The following GNAT3 variants were observed in gnomAD, a reference collection of about 807,000 sequenced individuals.
The protein encoded by GNAT3 is guanine nucleotide-binding protein G(t) subunit alpha-3.
A neutral mutation model predicts 37.7 loss-of-function variants in GNAT3; 31 were observed. The observed-to-expected ratio is 0.82, with a 90% CI of 0.62 to 1.11. The LOEUF is 1.11. GNAT3 is among the 50% of genes most tolerant of loss of function. The pLI is 0.00. For missense variants in GNAT3, 437 were observed against 412.5 expected, an observed-to-expected ratio of 1.06 and a Z score of -0.51; for synonymous variants, 138 against 139.8, an observed-to-expected ratio of 0.99 and a Z score of 0.09.
intron 2 of GNAT3, 121 bp from the exon 3 acceptor site, chr7:80,488,797 A>G: frequency 1.6e-6 from 1 of 624,616 alleles, no homozygotes; most frequent in Non-Finnish European, 2.7e-6. Context: ...AATTTTGACC[A>G]TACATATATG....
intron 2 of GNAT3, among the ~76,000 whole-genome samples, chr7:80,494,344 T>C (rs563299714): frequency 1.3e-5 from 2 of 152,300 alleles, no homozygotes; most frequent in African/African-American, 4.8e-5. Context: ...TATCCCCAGA[T>C]TAATATGACT....
At chr7:80,463,057 TCAAA>T (rs1004176838) in intron 5 of GNAT3, among the ~76,000 whole-genome samples, 1 of 152,182 alleles carries the variant, frequency 6.6e-6, no homozygotes. Flanking sequence ...ATTCATTTAC[TCAAA>T]CAATTATTGT....
At chr7:80,460,924 A>C (rs942769931) in intron 7 of GNAT3, among the ~76,000 whole-genome samples, 2 of 152,024 alleles carry the variant, frequency 1.3e-5, no homozygotes, top group African/African-American at 4.8e-5. Flanking sequence ...CTTTCTGTTG[A>C]AACATTTCAT....
intron 5 of GNAT3, among the ~76,000 whole-genome samples, chr7:80,472,386 G>A (rs1163544514): frequency 6.6e-6 from 1 of 152,130 alleles, no homozygotes; most frequent in African/African-American, 2.4e-5. Flanking sequence ...GCTGCAGGGT[G>A]TATAGTGACA....
chr7:80,496,858 T>C (rs1417584958), intron 1 of GNAT3, among the ~76,000 whole-genome samples: 1 of 152,202 alleles, frequency 6.6e-6, no homozygotes, highest in Non-Finnish European at 1.5e-5. Flanking sequence ...CTTTTCTTTT[T>C]TTTTTTTTGG....
rs2116191609 is a variant in GNAT3, at chr7:80,488,521, A to G, written c.303+14T>C. On this transcript the variant is annotated intron_variant, in intron 3 of 7. Coordinates refer to ENST00000398291, the MANE Select transcript of GNAT3 (RefSeq NM_001102386.3). ...TATTGCAGGACATACAGCTGTCATTATTTGCATACTTACTGCACTTCTGGG... is the reference window on the plus strand; with the variant it reads ...TATTGCAGGACATACAGCTGTCATTGTTTGCATACTTACTGCACTTCTGGG... The G allele has an allele frequency of 8.8e-6, 14 of 1,594,754 alleles. No individual in the cohort carries two copies. The highest frequency in any genetic ancestry group is 1.2e-5 in the Non-Finnish European group (14 of 1,168,402).
chr7:80,463,517 A>G (rs1352090539), intron 5 of GNAT3, among the ~76,000 whole-genome samples: 1 of 151,954 alleles, frequency 6.6e-6, no homozygotes, highest in South Asian at 2.1e-4. Flanking sequence ...AAGTCTTAGC[A>G]TCAATATCTC....
In GNAT3 at chr7:80,481,278, C is replaced by T. The variant is rs891176292; in HGVS notation, c.304-2280G>A. ...AAAACAAAATTCTAAGTCCCCCAAG[C>T]AACAGAATTCTAAGCCCCGCAACCA... On this transcript the variant is annotated intron_variant, in intron 3 of 7. Transcript: ENST00000398291. 4.6e-5 allele frequency among the ~76,000 whole-genome samples: 7 copies of T among 152,236 alleles called. No individual in the cohort carries two copies. In the South Asian group the frequency reaches 1.5e-3, roughly 32 times the overall value.
rs983253023 is a variant in GNAT3, at chr7:80,462,549, C to G, written c.673G>C (p.Ala225Pro). The change falls in exon 6 of 8, where the codon GCT becomes CCT. Residue 225 changes from alanine (A) to proline (P), a missense_variant. By Grantham distance (27) the Ala-to-Pro change is conservative (BLOSUM62 -1). Transcript: ENST00000398291. ...FEGVTCIIFCAALSAYDMVLV... is the reference protein window; with the variant it reads ...FEGVTCIIFCPALSAYDMVLV... ...ACCATGTCATAGGCACTAAGTGCAG[C>G]ACAAAATATAATGCATGTAACTCCT... is the stretch of plus-strand genomic sequence containing the variant. 5.6e-6 allele frequency: 9 copies of G among 1,613,536 alleles called. No homozygotes were observed. The highest frequency in any genetic ancestry group is 6.8e-6 in the Non-Finnish European group (8 of 1,179,654).
At chr7:80,480,542 A>T (rs998840989) in intron 3 of GNAT3, among the ~76,000 whole-genome samples, 2 of 152,104 alleles carry the variant, frequency 1.3e-5, no homozygotes, top group African/African-American at 2.4e-5. Flanking sequence ...GTTTATTCAG[A>T]AAGTGAAGGA....
chr7:80,507,493 C>A (rs111947705), intron 1 of GNAT3, among the ~76,000 whole-genome samples: 1,614 of 152,010 alleles, frequency 0.011, 15 homozygotes, highest in East Asian at 0.035. Context: ...TTGGGAATCT[C>A]TTATGCCAAA....
chr7:80,502,526 C>T (rs10258421), intron 1 of GNAT3, among the ~76,000 whole-genome samples: 20,414 of 151,782 alleles, frequency 0.13, 3,822 homozygotes, highest in African/African-American at 0.42. Context: ...ATTGCAACAA[C>T]GATTTTTAAA....
chr7:80,478,735 A>G, intron 4 of GNAT3, 106 bp downstream of exon 4: 1 of 1,074,920 alleles, frequency 9.3e-7, no homozygotes, highest in Non-Finnish European at 1.4e-6. Context: ...AAAATGTAAC[A>G]CCATTTATTT....
intron 1 of GNAT3, among the ~76,000 whole-genome samples, chr7:80,499,313 C>G (rs1790791525): frequency 6.6e-6 from 1 of 152,116 alleles, no homozygotes; most frequent in African/African-American, 2.4e-5. Context: ...CTGATAAATA[C>G]CAAAATGGTT....
intron 5 of GNAT3, among the ~76,000 whole-genome samples, chr7:80,463,723 G>T (rs922078952): frequency 4.0e-5 from 6 of 151,732 alleles, no homozygotes; most frequent in Non-Finnish European, 8.8e-5. Context: ...CTGGCACCAT[G>T]CCCAACACAT....
chr7:80,478,104 C>A (rs970259355), intron 4 of GNAT3, among the ~76,000 whole-genome samples: 6 of 152,154 alleles, frequency 3.9e-5, no homozygotes, highest in Admixed American at 3.3e-4. Context: ...AGCAACTTGG[C>A]TTTGCCATGT....
chr7:80,483,710 G>A (rs1355212196), intron 3 of GNAT3, among the ~76,000 whole-genome samples: 1 of 151,570 alleles, frequency 6.6e-6, no homozygotes, highest in Non-Finnish European at 1.5e-5. Flanking sequence ...TCATTTCAGC[G>A]CATTTCAGTG....
At chr7:80,468,594 G>A (rs1307606447) in intron 5 of GNAT3, among the ~76,000 whole-genome samples, 1 of 152,036 alleles carries the variant, frequency 6.6e-6, no homozygotes, top group Non-Finnish European at 1.5e-5. Context: ...ATGAGACCAG[G>A]TGGATCTGTG....
chr7:80,511,710 C>A, intron 1 of GNAT3, 99 bp downstream of exon 1: 1 of 630,426 alleles, frequency 1.6e-6, no homozygotes, highest in Non-Finnish European at 2.8e-6. Flanking sequence ...ATAAATTTCC[C>A]ATATGATAAT....
Sources: gnomAD v4.1 joint callset for allele counts (sites outside exome capture counted in the v4.1 genomes callset) on GRCh38, gnomAD v4.1.1 for gene constraint, MANE v1.5 for transcripts, NCBI Gene and HGNC (gene_info 2026-07-23, HGNC 2026-07-21) for gene names.